Variants in BRINP3 observed in about 807,000 individuals in gnomAD.
BRINP3 encodes BMP/retinoic acid-inducible neural-specific protein 3.
BRINP3 carries 19 observed loss-of-function variants against 71.0 expected under a neutral mutation model. That is an observed-to-expected ratio of 0.27 (90% confidence interval 0.19 to 0.39). The LOEUF (loss-of-function observed/expected upper bound fraction) is 0.39, where lower values mean the gene tolerates loss of function less well. Ranked by LOEUF, BRINP3 falls within the 10% of genes least tolerant of loss-of-function variation. The probability of loss-of-function intolerance (pLI) is 1.00; values close to 1 mark genes in which losing one functional copy is unlikely to be tolerated. For missense variants in BRINP3, 959 were observed against 940.8 expected (o/e 1.02, Z -0.25); for synonymous variants, 380 against 337.7 (o/e 1.13, Z -1.37).
intron 6 of BRINP3, among the ~76,000 whole-genome samples, chr1:190,162,190 G>T (rs1280657602): frequency 6.8e-6 from 1 of 147,184 alleles, no homozygotes; most frequent in African/African-American, 2.6e-5. Flanking sequence ...TTAAATAATA[G>T]ATGCATTTTT....
At chr1:190,463,166 T>G (rs1294393604) in intron 1 of BRINP3, among the ~76,000 whole-genome samples, 1 of 151,868 alleles carries the variant, frequency 6.6e-6, no homozygotes, top group Non-Finnish European at 1.5e-5. Flanking sequence ...GATTATTCAA[T>G]CTTATTATAA....
At chr1:190,395,699 G>A (rs1022843060) in intron 2 of BRINP3, among the ~76,000 whole-genome samples, 3 of 151,696 alleles carry the variant, frequency 2.0e-5, no homozygotes. Flanking sequence ...TTCAACTTCA[G>A]TCTTTGCCTC....
chr1:190,179,355 G>A (rs1329384644), intron 6 of BRINP3, among the ~76,000 whole-genome samples: 1 of 152,056 alleles, frequency 6.6e-6, no homozygotes, highest in Non-Finnish European at 1.5e-5. Context: ...TACATTTCTT[G>A]ACAGTCACAT....
chr1:190,293,668 C>A (rs1283679559), intron 2 of BRINP3, among the ~76,000 whole-genome samples: 6 of 152,232 alleles, frequency 3.9e-5, no homozygotes, highest in Admixed American at 2.6e-4. Context: ...CCCTTGAGAT[C>A]TATTAAATTT....
chr1:190,329,268 T>C (rs1051450371), intron 2 of BRINP3, among the ~76,000 whole-genome samples: 1 of 152,016 alleles, frequency 6.6e-6, no homozygotes, highest in South Asian at 2.1e-4. Context: ...TTTAATTCTA[T>C]ACCTAGAAAA....
chr1:190,465,860 A>T (rs1401602844), intron 1 of BRINP3, among the ~76,000 whole-genome samples: 1 of 151,934 alleles, frequency 6.6e-6, no homozygotes, highest in African/African-American at 2.4e-5. Context: ...CTACCAAAAC[A>T]GTAAAACAGA....
At chr1:190,299,899 G>C (rs2102992116) in intron 2 of BRINP3, among the ~76,000 whole-genome samples, 1 of 152,172 alleles carries the variant, frequency 6.6e-6, no homozygotes, top group Admixed American at 6.5e-5. Context: ...CTGGCTTGTA[G>C]AGTTTCTGCC....
intron 2 of BRINP3, among the ~76,000 whole-genome samples, chr1:190,417,871 G>A (rs1673112368): frequency 6.6e-6 from 1 of 152,092 alleles, no homozygotes; most frequent in East Asian, 1.9e-4. Context: ...AAAAATAGTT[G>A]TTTCCTTTTG....
At chr1:190,310,992 T>A (rs1474746470) in intron 2 of BRINP3, among the ~76,000 whole-genome samples, 3 of 151,682 alleles carry the variant, frequency 2.0e-5, no homozygotes, top group African/African-American at 7.3e-5. Context: ...GGTTTCATAT[T>A]CCCTAGATAA....
intron 7 of BRINP3, among the ~76,000 whole-genome samples, chr1:190,144,094 CCAAA>C (rs1436102646): frequency 6.6e-6 from 1 of 152,076 alleles, no homozygotes; most frequent in Admixed American, 6.6e-5. Flanking sequence ...TGCAGAAACA[CCAAA>C]CAATGTACAG....
chr1:190,229,640 AACAAAAC>A (rs939340305), intron 5 of BRINP3, among the ~76,000 whole-genome samples: 2 of 136,116 alleles, frequency 1.5e-5, no homozygotes, highest in African/African-American at 2.9e-5. Context: ...AGAAAAACAA[AACAAAAC>A]ACACACACAC....
chr1:190,199,960 T>C (rs2102607051), intron 6 of BRINP3, among the ~76,000 whole-genome samples: 1 of 152,236 alleles, frequency 6.6e-6, no homozygotes, highest in African/African-American at 2.4e-5. Context: ...CTACCATTTT[T>C]CCCTCTTAGT....
intron 7 of BRINP3, among the ~76,000 whole-genome samples, chr1:190,150,839 G>A (rs906244241): frequency 4.6e-5 from 7 of 152,038 alleles, no homozygotes; most frequent in Non-Finnish European, 1.0e-4. Context: ...CAATATCATG[G>A]TGTCTATCCC....
intron 7 of BRINP3, among the ~76,000 whole-genome samples, chr1:190,122,527 A>T (rs1365102822): frequency 7.0e-6 from 1 of 143,698 alleles, no homozygotes; most frequent in African/African-American, 2.5e-5. Context: ...GAACACCAGG[A>T]ATCACCGGCA....
rs547645282 is a variant in BRINP3, at chr1:190,317,367, G to T, written c.237-35617C>A. On this transcript the variant is annotated intron_variant, in intron 2 of 7. Coordinates refer to ENST00000367462, the MANE Select transcript of BRINP3 (RefSeq NM_199051.3). The stretch of plus-strand genomic sequence containing the variant: ...CACTCACATCAAACCTCCATGAATG[G>T]CCTTGTCTTCAATTTCATGGTATAA... Among the ~76,000 whole-genome samples, 166 of 151,990 alleles carry T rather than the reference G, an allele frequency of 1.1e-3. 1 individual carries two copies. The highest frequency in any genetic ancestry group is 4.0e-3 in the African/African-American group (164 of 41,478).
intron 2 of BRINP3, among the ~76,000 whole-genome samples, chr1:190,340,703 C>T (rs1667599214): frequency 6.6e-6 from 1 of 151,388 alleles, no homozygotes. Flanking sequence ...TAGAACCTTT[C>T]TTATGAATGA....
At chr1:190,340,046 G>GA (rs1158412918) in intron 2 of BRINP3, among the ~76,000 whole-genome samples, 2 of 151,780 alleles carry the variant, frequency 1.3e-5, no homozygotes, top group Non-Finnish European at 2.9e-5. Context: ...AAAGAGGAAA[G>GA]AAAAAATAGC....
At chr1:190,428,433 C>T (rs557503918) in intron 2 of BRINP3, among the ~76,000 whole-genome samples, 1 of 151,796 alleles carries the variant, frequency 6.6e-6, no homozygotes, top group East Asian at 1.9e-4. Context: ...TAATCCCCCC[C>T]CAAAAAAACT....
intron 6 of BRINP3, among the ~76,000 whole-genome samples, chr1:190,174,506 T>C (rs1291261704): frequency 6.6e-6 from 1 of 152,172 alleles, no homozygotes. Context: ...ATTGTATACA[T>C]TAGCCTGTCT....
Sources: allele counts gnomAD v4.1 joint callset (sites outside exome capture counted in the v4.1 genomes callset), GRCh38; gene constraint gnomAD v4.1.1; transcripts MANE v1.5; gene names NCBI Gene and HGNC (gene_info 2026-07-23, HGNC 2026-07-21).